ANKFY1: variants seen among roughly 807,000 people sequenced by gnomAD.
ANKFY1 encodes ankyrin repeat and FYVE domain-containing protein 1.
In ANKFY1, 47 loss-of-function variants were observed where a neutral mutation model predicts 128.3. That is an observed-to-expected ratio of 0.37 (90% CI 0.29 to 0.47). The LOEUF (loss-of-function observed/expected upper bound fraction) is 0.47, where lower values mean the gene tolerates loss of function less well. Ranked by LOEUF, ANKFY1 falls within the 20% of genes least tolerant of loss-of-function variation. The pLI, the probability that ANKFY1 is intolerant of heterozygous loss-of-function variation, is 1.00. For synonymous variants in ANKFY1, 553 were observed against 601.6 expected, an observed-to-expected ratio of 0.92 and a Z score of 1.18; for missense variants, 1,222 against 1,510.6, an observed-to-expected ratio of 0.81 and a Z score of 3.17.
At chr17:4,179,306 C>G in intron 17 of ANKFY1, 4 of 569,330 alleles carry the variant, frequency 7.0e-6, no homozygotes, top group Non-Finnish European at 1.3e-5. Flanking sequence ...TGCAGTGAGT[C>G]TCCGCTCTAA....
Position 4,169,134 on chromosome 17 carries a change from A to AG in ANKFY1, c.3377+63dup, listed in dbSNP as rs1469184279. ...GCAAGTTCACGGCCTGTCCTGGAGAAGGGGGGAAGCAATGACATCAGCGGC... is the reference window on the plus strand; with the variant it reads ...GCAAGTTCACGGCCTGTCCTGGAGAAGGGGGGGAAGCAATGACATCAGCGGC... On this transcript the variant is annotated intron_variant, in intron 24 of 24. Transcript: ENST00000341657. The surrounding 1 kb of genome is among the most constrained non-coding windows in gnomAD (Gnocchi z 5.0). 1 of 1,442,470 alleles carries AG rather than the reference A, an allele frequency of 6.9e-7. No individual in the cohort carries two copies. The highest frequency in any genetic ancestry group is 9.5e-7 in the Non-Finnish European group (1 of 1,050,018). 89.4% of individuals were successfully genotyped at this position (1,442,470 alleles called of 1,614,324 possible).
At chr17:4,254,436 A>G (rs1443133740) in intron 1 of ANKFY1, among the ~76,000 whole-genome samples, 1 of 152,108 alleles carries the variant, frequency 6.6e-6, no homozygotes, top group Non-Finnish European at 1.5e-5. Context: ...TGATGCAGCC[A>G]ATAGCCAAGG....
intron 19 of ANKFY1, among the ~76,000 whole-genome samples, chr17:4,175,551 C>T (rs1270951449): frequency 6.6e-6 from 1 of 152,120 alleles, no homozygotes. Flanking sequence ...TATGGCCACC[C>T]CTGGTTCCTC....
chr17:4,175,884 A>G (rs1223970261), intron 19 of ANKFY1, among the ~76,000 whole-genome samples: 1 of 152,196 alleles, frequency 6.6e-6, no homozygotes, highest in Admixed American at 6.5e-5. Context: ...GGACACTGGA[A>G]GACCCGCTGT....
intron 8 of ANKFY1, 52 bp from the exon 9 acceptor site, chr17:4,195,523 G>T (rs765522138): frequency 2.5e-5 from 36 of 1,443,370 alleles, no homozygotes; most frequent in Non-Finnish European, 3.4e-5. Flanking sequence ...TGTTCAGGAT[G>T]ACTCACGGCA....
intron 1 of ANKFY1, among the ~76,000 whole-genome samples, chr17:4,262,762 AC>A (rs1168821139): frequency 6.6e-6 from 1 of 151,694 alleles, no homozygotes; most frequent in African/African-American, 2.4e-5. Context: ...ACACACACAC[AC>A]CCCCCAAAAC....
intron 1 of ANKFY1, chr17:4,263,467 CA>C (rs2143620831): frequency 1.0e-4 from 113 of 1,128,320 alleles, no homozygotes; most frequent in Non-Finnish European, 1.2e-4. Flanking sequence ...GCCTCGCCCC[CA>C]CCCCACCCCA....
chr17:4,229,688 A>T lies in ANKFY1; in HGVS notation c.322+6084T>A, dbSNP rs558685039. On this transcript the variant is annotated intron_variant, in intron 3 of 24. Transcript: ENST00000341657. ...TAAAGAATATAACCGCAGATAAAAT[A>T]GATTATTTTGAGCTCTGAGAGAATC... Among the ~76,000 whole-genome samples, 12 of 152,362 alleles carry T rather than the reference A, an allele frequency of 7.9e-5. No individual in the cohort carries two copies. The South Asian group carries it at 2.5e-3, about 32-fold the overall frequency.
At chr17:4,228,861 A>T (rs927400992) in intron 3 of ANKFY1, among the ~76,000 whole-genome samples, 3 of 152,204 alleles carry the variant, frequency 2.0e-5, no homozygotes, top group African/African-American at 7.2e-5. Context: ...AACCAAACTG[A>T]CAGGCAGCAC....
chr17:4,185,252 C>T (rs1402035650), intron 11 of ANKFY1, among the ~76,000 whole-genome samples: 1 of 152,178 alleles, frequency 6.6e-6, no homozygotes, highest in Admixed American at 6.5e-5. Context: ...GTCACCCAGG[C>T]TGGAGTGCAG....
At chr17:4,194,101 A>T (rs1212583690) in intron 10 of ANKFY1, among the ~76,000 whole-genome samples, 37 of 93,318 alleles carry the variant, frequency 4.0e-4, no homozygotes, top group African/African-American at 1.9e-3. Flanking sequence ...ATATATATAT[A>T]TATTTTTTTT....
In ANKFY1 at chr17:4,184,982, T is replaced by G; in HGVS notation, c.1535A>C (p.Gln512Pro). The G allele has an allele frequency of 1.2e-6, 2 of 1,614,026 alleles. No homozygotes were observed. Among genetic ancestry groups the G allele is most frequent in the African/African-American group, 1.3e-5 (1 of 75,068 alleles). ...CTGCAGGTTTGGGTTGGCGCCTTGC[T>G]GCAGGAGCTCTGCCGTGAGGTTGGC... ...GLANLTAELLQQGANPNLQTE... is the reference protein window; with the variant it reads ...GLANLTAELLPQGANPNLQTE... The change falls in exon 12 of 25, where the codon CAG becomes CCG. Residue 512 changes from glutamine (Q) to proline (P), a missense_variant. Transcript: ENST00000341657.
chr17:4,196,036 ACCAC>A (rs2059815741), intron 8 of ANKFY1, among the ~76,000 whole-genome samples: 1 of 5,894 alleles, frequency 1.7e-4, no homozygotes, highest in Non-Finnish European at 3.2e-4. Flanking sequence ...CACCCCCCCC[ACCAC>A]CCCCCACCCA....
At chr17:4,197,662 A>C (rs986299998) in intron 7 of ANKFY1, 85 bp from the exon 8 acceptor site, 2 of 1,264,132 alleles carry the variant, frequency 1.6e-6, no homozygotes. Flanking sequence ...AAATGACTGC[A>C]GACAAAGGAG....
intron 1 of ANKFY1, among the ~76,000 whole-genome samples, chr17:4,245,982 T>C (rs1967521234): frequency 6.6e-6 from 1 of 152,076 alleles, no homozygotes; most frequent in African/African-American, 2.4e-5. Flanking sequence ...AGGTGAAGGT[T>C]GCAGTGAGCC....
chr17:4,219,324 G>A (rs973405381), intron 3 of ANKFY1, among the ~76,000 whole-genome samples: 3 of 152,148 alleles, frequency 2.0e-5, no homozygotes, highest in Admixed American at 6.5e-5. Context: ...TAATTCTCAC[G>A]GTGTTGTCCT....
At chr17:4,196,586 T>C (rs544560099) in intron 8 of ANKFY1, among the ~76,000 whole-genome samples, 4 of 152,254 alleles carry the variant, frequency 2.6e-5, no homozygotes, top group Non-Finnish European at 4.4e-5. Flanking sequence ...ACAATAAATA[T>C]TGTTAAATAT....
rs568668091 is a variant in ANKFY1, at chr17:4,167,708, G to T, written c.*71C>A. 3.8e-5 allele frequency: 57 copies of T among 1,485,718 alleles called. No individual in the cohort carries two copies. The South Asian group carries it at 6.1e-4, about 16-fold the overall frequency. 92.0% of individuals were successfully genotyped at this position (1,485,718 alleles called of 1,614,324 possible). A position where few individuals can be genotyped will look rare whatever the true frequency, so the allele number is the denominator to read the frequency against. On this transcript the variant is annotated 3_prime_UTR_variant, in exon 25 of 25. Coordinates refer to ENST00000341657, the MANE Select transcript of ANKFY1 (RefSeq NM_001330063.2). The surrounding 1 kb of genome is among the most constrained non-coding windows in gnomAD (Gnocchi z 4.1). Reference sequence around the variant, plus strand: ...CCCGCCAGCTCCTGCTCTGGGTGGGGTCAGGCTGGTGAGCAGAGCAGCTGC... The same window carrying T: ...CCCGCCAGCTCCTGCTCTGGGTGGGTTCAGGCTGGTGAGCAGAGCAGCTGC...
At chr17:4,222,344 ACCT>A (rs757443847) in intron 3 of ANKFY1, 9,583 of 762,482 alleles carry the variant, frequency 0.013, 101 homozygotes, top group African/African-American at 0.04. Flanking sequence ...GTGACAAATG[ACCT>A]TATTATTCAC....
Sources: gnomAD v4.1 joint callset for allele counts (sites outside exome capture counted in the v4.1 genomes callset) on GRCh38, gnomAD v4.1.1 for gene constraint, Gnocchi (gnomAD v3.1) non-coding constraint, MANE v1.5 for transcripts, NCBI Gene and HGNC (gene_info 2026-07-23, HGNC 2026-07-21) for gene names.